VPS8: variants seen among roughly 807,000 people sequenced by gnomAD.
VPS8 encodes the protein vacuolar protein sorting-associated protein 8 homolog.
In VPS8, 129 loss-of-function variants were observed where a neutral mutation model predicts 216.4. The ratio of observed to expected loss-of-function variants is 0.60; its 90% CI spans 0.52 to 0.69. The LOEUF is 0.69. VPS8 is among the 30% of genes least tolerant of loss of function. The probability of loss-of-function intolerance (pLI) is 0.00; values close to 1 mark genes in which losing one functional copy is unlikely to be tolerated. For missense variants in VPS8, 1,531 were observed against 1,683.5 expected (o/e 0.91, Z 1.59); for synonymous variants, 571 against 565.4 (o/e 1.01, Z -0.14).
At chr3:184,930,648 G>A in intron 34 of VPS8, 80 bp downstream of exon 34, 1 of 984,794 alleles carries the variant, frequency 1.0e-6, no homozygotes, top group Non-Finnish European at 1.6e-6. Flanking sequence ...CGAAGCAATG[G>A]CATGTATCAT....
chr3:184,986,305 A>G (rs1321106246), intron 42 of VPS8, among the ~76,000 whole-genome samples: 1 of 152,218 alleles, frequency 6.6e-6, no homozygotes, highest in African/African-American at 2.4e-5. Flanking sequence ...TGCTCAGAAC[A>G]TAGGATAAGA....
intron 9 of VPS8, 163 bp from the exon 10 acceptor site, chr3:184,849,773 T>A: frequency 3.2e-6 from 2 of 623,218 alleles, no homozygotes; most frequent in Non-Finnish European, 5.7e-6. Flanking sequence ...ATAAAGGCTC[T>A]ATGCTTTAAT....
chr3:184,942,682 T>C (rs1412988932), intron 36 of VPS8, among the ~76,000 whole-genome samples: 1 of 152,232 alleles, frequency 6.6e-6, no homozygotes, highest in Non-Finnish European at 1.5e-5. Flanking sequence ...ATTCATCATA[T>C]TTTATCCTCT....
intron 13 of VPS8, 76 bp from the exon 14 acceptor site, chr3:184,855,635 G>C (rs766722232): frequency 1.6e-6 from 2 of 1,229,440 alleles, no homozygotes; most frequent in Non-Finnish European, 2.4e-6. Context: ...GTCAGATGCT[G>C]TTTTTAACCA....
intron 42 of VPS8, among the ~76,000 whole-genome samples, chr3:184,988,481 T>C (rs1317256344): frequency 6.6e-6 from 1 of 152,176 alleles, no homozygotes; most frequent in African/African-American, 2.4e-5. Flanking sequence ...TTCATATGGG[T>C]CTATTTCTGG....
chr3:184,869,028 C>T lies in VPS8; in HGVS notation c.1589C>T (p.Ala530Val), dbSNP rs1369593654. ...AWSFHEGKAK[A>V]VVGLSGDASK... Reference sequence around the variant, plus strand: ...TCTTTCCATGAAGGAAAAGCAAAAGCAGTAGTGGGTGAGTAGGCAGAATTC... The same window carrying T: ...TCTTTCCATGAAGGAAAAGCAAAAGTAGTAGTGGGTGAGTAGGCAGAATTC... Residue 530 changes from alanine (A) to valine (V), a missense_variant, in exon 19 of 48, where the codon GCA (alanine) becomes GTA (valine). Coordinates refer to ENST00000625842, the MANE Select transcript of VPS8 (RefSeq NM_001009921.3). 1.4e-5 allele frequency: 22 copies of T among 1,605,346 alleles called. No individual in the cohort carries two copies. Among genetic ancestry groups the T allele is most frequent in the Non-Finnish European group, 1.8e-5 (21 of 1,175,956 alleles).
intron 15 of VPS8, among the ~76,000 whole-genome samples, chr3:184,860,664 T>G (rs990441517): frequency 6.6e-6 from 1 of 152,176 alleles, no homozygotes; most frequent in African/African-American, 2.4e-5. Flanking sequence ...TAGGTGAATT[T>G]TTTGAGAATC....
chr3:184,924,812 T>TG, intron 29 of VPS8, 50 bp from the exon 30 acceptor site: 1 of 1,542,256 alleles, frequency 6.5e-7, no homozygotes, highest in Non-Finnish European at 8.7e-7. Context: ...TTTTTTTTTT[T>TG]GCATCAAACC....
In VPS8 at chr3:184,928,546, G is replaced by C. The variant is rs779307278; in HGVS notation, c.2714+13G>C. 2 of 1,488,052 alleles carry C rather than the reference G, an allele frequency of 1.3e-6. No homozygotes were observed. The highest frequency in any genetic ancestry group is 1.8e-6 in the Non-Finnish European group (2 of 1,128,096). 92.2% of individuals were successfully genotyped at this position (1,488,052 alleles called of 1,614,324 possible). Reference sequence around the variant, plus strand: ...AAAAAGCTGAGTTGTAAGTTGTTTTGAGGCTGTATATTAGTTTGCCATAGA... The same window carrying C: ...AAAAAGCTGAGTTGTAAGTTGTTTTCAGGCTGTATATTAGTTTGCCATAGA... On this transcript the variant is annotated intron_variant, in intron 32 of 47. Transcript: ENST00000625842.
At chr3:184,826,472 G>T (rs1263517603) in intron 3 of VPS8, among the ~76,000 whole-genome samples, 2 of 152,200 alleles carry the variant, frequency 1.3e-5, no homozygotes, top group African/African-American at 4.8e-5. Context: ...ATGGCTAGGG[G>T]ACAGCATAGA....
Position 184,853,844 on chromosome 3 carries a change from A to G in VPS8, c.822-13A>G, listed in dbSNP as rs1158265363. ...TGCTAAATTGATTCTGAATTTTCAA[A>G]TTGCATTTTCAGGAGAGTGATGGGA... On this transcript the variant is annotated splice_polypyrimidine_tract_variant and intron_variant, in intron 11 of 47. Transcript: ENST00000625842. 1.6e-5 allele frequency: 25 copies of G among 1,557,358 alleles called. No individual in the cohort carries two copies. Among genetic ancestry groups the G allele is most frequent in the Non-Finnish European group, 2.2e-5 (25 of 1,149,754 alleles).
At chr3:184,923,732 C>T (rs1266800190) in intron 29 of VPS8, among the ~76,000 whole-genome samples, 1 of 152,094 alleles carries the variant, frequency 6.6e-6, no homozygotes, top group Non-Finnish European at 1.5e-5. Context: ...ATTGTTGTTC[C>T]CCTTAACAAA....
chr3:184,928,480 C>T lies in VPS8; in HGVS notation c.2661C>T (p.Gly887=). Residue 887 remains glycine, a synonymous_variant, in exon 32 of 48, where the codon GGC becomes GGT. Coordinates refer to ENST00000625842, the MANE Select transcript of VPS8 (RefSeq NM_001009921.3). The part of the protein sequence containing the change: ...QVLLELLQAG[G]IVQFEESRLI... ...TTTTAGAATTGCTGCAGGCTGGAGG[C>T]ATAGTTCAATTTGAAGAGAGTCGAC... The T allele has an allele frequency of 6.5e-7, 1 of 1,533,512 alleles. No homozygotes were observed. The highest frequency in any genetic ancestry group is 8.7e-7 in the Non-Finnish European group (1 of 1,152,396). The allele number at this position is 1,533,512 out of a possible 1,614,324, so 95.0% of individuals were successfully genotyped here.
intron 46 of VPS8, among the ~76,000 whole-genome samples, chr3:185,032,158 T>C (rs1758264945): frequency 6.6e-6 from 1 of 151,856 alleles, no homozygotes; most frequent in Non-Finnish European, 1.5e-5. Context: ...AGCGAGATTT[T>C]GTCTTAAAAA....
intron 5 of VPS8, among the ~76,000 whole-genome samples, chr3:184,837,180 C>G (rs1016948889): frequency 6.6e-6 from 1 of 151,684 alleles, no homozygotes; most frequent in Admixed American, 6.6e-5. Flanking sequence ...TACTAAAATT[C>G]TGTAATCTCT....
At chr3:184,828,339 A>G (rs1053519346) in intron 3 of VPS8, among the ~76,000 whole-genome samples, 11 of 152,078 alleles carry the variant, frequency 7.2e-5, no homozygotes, top group Non-Finnish European at 1.3e-4. Flanking sequence ...GGGTTTCACC[A>G]TGTTGGCCAG....
rs188409147 is a variant in VPS8 at position 184,914,692 on chromosome 3, C to T, written c.2190-289C>T. On this transcript the variant is annotated intron_variant, in intron 26 of 47. Transcript: ENST00000625842. Reference sequence around the variant, plus strand: ...GGTATGAGGCCTTTAGAAGTCTGTCCTCATTCCTTCTTGCCCCTTTAATAG... The same window carrying T: ...GGTATGAGGCCTTTAGAAGTCTGTCTTCATTCCTTCTTGCCCCTTTAATAG... 2.6e-5 allele frequency among the ~76,000 whole-genome samples: 4 copies of T among 152,318 alleles called. No individual in the cohort carries two copies. In the East Asian group the frequency reaches 5.8e-4, roughly 22 times the overall value.
At chr3:184,975,100 A>G (rs1438002244) in intron 40 of VPS8, among the ~76,000 whole-genome samples, 1 of 151,954 alleles carries the variant, frequency 6.6e-6, no homozygotes, top group Non-Finnish European at 1.5e-5. Flanking sequence ...GAAAAATGTT[A>G]CTGGTATTTT....
At chr3:185,036,936 CATATT>C (rs1204643651) in intron 46 of VPS8, among the ~76,000 whole-genome samples, 2 of 152,002 alleles carry the variant, frequency 1.3e-5, no homozygotes, top group Non-Finnish European at 2.9e-5. Flanking sequence ...TACATTTCTA[CATATT>C]ATAAGCCCAA....
Sources: gnomAD v4.1 joint callset for allele counts (sites outside exome capture counted in the v4.1 genomes callset) on GRCh38, gnomAD v4.1.1 for gene constraint, MANE v1.5 for transcripts, NCBI Gene and HGNC (gene_info 2026-07-23, HGNC 2026-07-21) for gene names.